Variants in PSG2 observed in about 807,000 individuals in gnomAD.
PSG2 encodes pregnancy-specific beta-1-glycoprotein 2.
In PSG2, 49 loss-of-function variants were observed where a neutral mutation model predicts 36.2. The observed-to-expected ratio is 1.35, with a 90% confidence interval of 1.08 to 1.72. The LOEUF (loss-of-function observed/expected upper bound fraction) is 1.72, where lower values mean the gene tolerates loss of function less well. Ranked by LOEUF, PSG2 falls within the 40% of genes most tolerant of loss-of-function variation. PSG2 has a pLI of 0.00. For missense variants in PSG2, 605 were observed against 407.2 expected, an observed-to-expected ratio of 1.49 and a Z score of -4.18; for synonymous variants, 261 against 155.6, an observed-to-expected ratio of 1.68 and a Z score of -5.04.
chr19:43,079,669 G>C (rs1193361227), intron 2 of PSG2, among the ~76,000 whole-genome samples: 1 of 123,168 alleles, frequency 8.1e-6, no homozygotes, highest in Non-Finnish European at 1.9e-5. Context: ...AGATCTGAGA[G>C]GGAGGCCTGC....
chr19:43,070,282 T>G lies in PSG2; in HGVS notation c.964+1418A>C, dbSNP rs142750708. ...GGAAATGTTATAGCCACTGTAAAAATTGGTGTGCTGTTTCTCAAAAAATTA... is the reference window on the plus strand; with the variant it reads ...GGAAATGTTATAGCCACTGTAAAAAGTGGTGTGCTGTTTCTCAAAAAATTA... On this transcript the variant is annotated intron_variant, in intron 4 of 5. Coordinates refer to ENST00000406487, the MANE Select transcript of PSG2 (RefSeq NM_031246.4). Among the ~76,000 whole-genome samples, 758 of 151,790 alleles carry G rather than the reference T, an allele frequency of 5.0e-3. 26 individuals are homozygous for G. The highest frequency in any genetic ancestry group is 0.018 in the African/African-American group (725 of 41,170).
Position 43,067,689 on chromosome 19 carries a change from G to A in PSG2, c.965-1089C>T, listed in dbSNP as rs575043848. 4.6e-5 allele frequency among the ~76,000 whole-genome samples: 7 copies of A among 151,314 alleles called. No homozygotes were observed. The South Asian group carries it at 6.3e-4, about 14-fold the overall frequency. On this transcript the variant is annotated intron_variant, in intron 4 of 5. Transcript: ENST00000406487. ...CATTCTAGGACTATTTGACCTCAAGGTTGATGATGATGATAGTAATATAGT... is the reference window on the plus strand; with the variant it reads ...CATTCTAGGACTATTTGACCTCAAGATTGATGATGATGATAGTAATATAGT...
intron 2 of PSG2, among the ~76,000 whole-genome samples, chr19:43,077,056 G>A (rs1300319043): frequency 3.3e-5 from 5 of 151,532 alleles, no homozygotes; most frequent in Admixed American, 1.3e-4. Flanking sequence ...CTCATGTTAT[G>A]TTCTGACTCT....
At chr19:43,069,412 A>G (rs1967786017) in intron 4 of PSG2, among the ~76,000 whole-genome samples, 1 of 151,752 alleles carries the variant, frequency 6.6e-6, no homozygotes, top group Admixed American at 6.6e-5. Flanking sequence ...CAGAGCTTTG[A>G]GGAGGAAGAA....
At chr19:43,072,228 T>C in intron 3 of PSG2, 2 of 1,492,232 alleles carry the variant, frequency 1.3e-6, no homozygotes, top group Non-Finnish European at 1.8e-6. Context: ...CAGGGAGTCA[T>C]GGCCAGCTTG....
chr19:43,082,418 A>G, intron 1 of PSG2, 88 bp downstream of exon 1: 2 of 1,566,496 alleles, frequency 1.3e-6, no homozygotes, highest in South Asian at 1.1e-5. Flanking sequence ...GGCTTCTTTC[A>G]TTTTTTAGAA....
At chr19:43,080,293 G>C (rs1164676626) in intron 2 of PSG2, among the ~76,000 whole-genome samples, 2 of 151,592 alleles carry the variant, frequency 1.3e-5, no homozygotes, top group African/African-American at 2.4e-5. Flanking sequence ...CTCCTGTTTT[G>C]ACCTCTGTCC....
chr19:43,067,151 T>A (rs1431011295), intron 4 of PSG2, among the ~76,000 whole-genome samples: 2 of 151,556 alleles, frequency 1.3e-5, no homozygotes, highest in Non-Finnish European at 2.9e-5. Context: ...CTCATCAGCC[T>A]TGCAAAAACT....
rs757956009 is a variant in PSG2 at position 43,075,433 on chromosome 19, A to G, written c.630T>C (p.Tyr210=). ...TTTCACATTCATAGGGTCCTGCAGT[A>G]TACTTTGTGACACCAAATAGAAAGA... is the stretch of plus-strand genomic sequence containing the variant. ...RTLFLFGVTK[Y]TAGPYECEIR... The change falls in exon 3 of 6, where the codon TAT becomes TAC. Residue 210 remains tyrosine, a synonymous_variant. Transcript: ENST00000406487. 21 of 1,613,100 alleles carry G rather than the reference A, an allele frequency of 1.3e-5. No homozygotes were observed. Among genetic ancestry groups the G allele is most frequent in the Middle Eastern group, 3.3e-4 (2 of 6,078 alleles).
At chr19:43,070,366 T>C (rs1483139161) in intron 4 of PSG2, among the ~76,000 whole-genome samples, 2 of 151,534 alleles carry the variant, frequency 1.3e-5, no homozygotes, top group Non-Finnish European at 2.9e-5. Context: ...CCCATAGAAT[T>C]GAAAGAAATT....
At chr19:43,082,240 A>G (rs1967990953) in intron 1 of PSG2, 9 of 397,040 alleles carry the variant, frequency 2.3e-5, no homozygotes, top group South Asian at 2.3e-4. Context: ...TCCTGGGTTC[A>G]CGTGATTCTC....
chr19:43,073,199 G>T (rs1294929567), intron 3 of PSG2, among the ~76,000 whole-genome samples: 1 of 151,850 alleles, frequency 6.6e-6, no homozygotes, highest in Non-Finnish European at 1.5e-5. Context: ...CAGTCATCAG[G>T]CAGTGGAGGC....
Position 43,079,810 on chromosome 19 carries a change from A to G in PSG2, c.430+1071T>C, listed in dbSNP as rs567677614. Reference sequence around the variant, plus strand: ...TAAGAAGAGAGGATTTGAGCCAATAAATGACATGGGGTCCTTGGGACCCAG... The same window carrying G: ...TAAGAAGAGAGGATTTGAGCCAATAGATGACATGGGGTCCTTGGGACCCAG... On this transcript the variant is annotated intron_variant, in intron 2 of 5. Transcript: ENST00000406487. 7.9e-5 allele frequency among the ~76,000 whole-genome samples: 12 copies of G among 151,704 alleles called. No individual in the cohort carries two copies. The South Asian group carries it at 2.5e-3, about 32-fold the overall frequency.
chr19:43,074,614 C>G (rs760080388), intron 3 of PSG2, among the ~76,000 whole-genome samples: 9 of 151,492 alleles, frequency 5.9e-5, no homozygotes, highest in Non-Finnish European at 1.3e-4. Flanking sequence ...TTTCCCTCTC[C>G]CTTTGCAGAG....
chr19:43,068,719 T>C (rs1423616629), intron 4 of PSG2, among the ~76,000 whole-genome samples: 2 of 151,680 alleles, frequency 1.3e-5, no homozygotes, highest in African/African-American at 4.9e-5. Context: ...AGGAAACCAC[T>C]TCAACATAAA....
Position 43,071,759 on chromosome 19 carries a change from G to C in PSG2, c.905C>G (p.Ser302Cys). Residue 302 changes from serine to cysteine, a missense_variant, in exon 4 of 6, where the codon TCT (serine) becomes TGT (cysteine). Coordinates refer to ENST00000406487, the MANE Select transcript of PSG2 (RefSeq NM_031246.4). Reference protein sequence around the residue: ...TTKHSGLYVCSVRNSATGEES... With the variant: ...TTKHSGLYVCCVRNSATGEES... ...CTCGCCAGTGGCTGAGTTACGAACA[G>C]AGCAAACATAGAGCCCGCTATGCTT... is the stretch of plus-strand genomic sequence containing the variant. 6.2e-7 allele frequency: 1 copy of C among 1,612,870 alleles called. No homozygotes were observed. The highest frequency in any genetic ancestry group is 1.1e-5 in the South Asian group (1 of 91,040).
chr19:43,064,788 CAT>C (rs1345816981), intron 5 of PSG2, among the ~76,000 whole-genome samples, 187 bp from the exon 6 acceptor site: 2 of 151,760 alleles, frequency 1.3e-5, no homozygotes, highest in Admixed American at 1.3e-4. Context: ...ACTATGATAA[CAT>C]ATTTGATTTT....
At chr19:43,066,481 C>T (rs1257095811) in intron 5 of PSG2, 36 bp downstream of exon 5, 2 of 1,433,226 alleles carry the variant, frequency 1.4e-6, no homozygotes, top group African/African-American at 2.9e-5. Context: ...GCAGTCAGCT[C>T]TGCAGGAACC....
chr19:43,082,352 G>A (rs1381577589), intron 1 of PSG2, 154 bp downstream of exon 1: 2 of 1,231,272 alleles, frequency 1.6e-6, no homozygotes, highest in Non-Finnish European at 2.3e-6. Flanking sequence ...GTGTTGGCCA[G>A]ACTGACCTTG....
Sources: allele counts gnomAD v4.1 joint callset (sites outside exome capture counted in the v4.1 genomes callset), GRCh38; gene constraint gnomAD v4.1.1; transcripts MANE v1.5; gene names NCBI Gene and HGNC (gene_info 2026-07-23, HGNC 2026-07-21).